CTNNA2: variants seen among roughly 807,000 people sequenced by gnomAD.
The protein encoded by CTNNA2 is catenin alpha 2.
CTNNA2 carries 42 observed loss-of-function variants against 101.0 expected under a neutral mutation model. The observed-to-expected ratio is 0.42, with a 90% CI of 0.32 to 0.54. The LOEUF is 0.54. Ranked by LOEUF, CTNNA2 falls within the 20% of genes least tolerant of loss-of-function variation. The probability of loss-of-function intolerance (pLI) is 0.14; values close to 1 mark genes in which losing one functional copy is unlikely to be tolerated. For missense variants in CTNNA2, 871 were observed against 1,223.1 expected (o/e 0.71, Z 4.29); for synonymous variants, 450 against 456.4 (o/e 0.99, Z 0.18).
chr2:80,471,821 A>T (rs199974399), intron 9 of CTNNA2, among the ~76,000 whole-genome samples: 3 of 54,482 alleles, frequency 5.5e-5, no homozygotes, highest in Non-Finnish European at 5.8e-5. Context: ...CAAGTTTGTT[A>T]AAAAAAAAAT....
intron 3 of CTNNA2, among the ~76,000 whole-genome samples, chr2:79,750,246 C>G (rs1671927546): frequency 6.6e-6 from 1 of 152,086 alleles, no homozygotes; most frequent in Non-Finnish European, 1.5e-5. Context: ...TTTTTTTTGA[C>G]TATGCACTAA....
At chr2:79,734,100 T>C (rs2104935685) in intron 2 of CTNNA2, among the ~76,000 whole-genome samples, 1 of 152,264 alleles carries the variant, frequency 6.6e-6, no homozygotes, top group South Asian at 2.1e-4. Context: ...CTAGGGACAT[T>C]CCAAACAGCT....
intron 1 of CTNNA2, among the ~76,000 whole-genome samples, chr2:79,605,134 T>G (rs1450231249): frequency 3.3e-5 from 5 of 152,130 alleles, no homozygotes; most frequent in Admixed American, 2.0e-4. Context: ...TTTTAATAAG[T>G]CAAATAGAGC....
chr2:80,641,906 C>CA (rs2149857743), intron 18 of CTNNA2, among the ~76,000 whole-genome samples: 1 of 152,114 alleles, frequency 6.6e-6, no homozygotes, highest in Admixed American at 6.6e-5. Context: ...TATGAAAGGA[C>CA]AAAATCAAAC....
intron 9 of CTNNA2, among the ~76,000 whole-genome samples, chr2:80,421,223 G>A (rs1397888863): frequency 2.0e-5 from 3 of 152,134 alleles, no homozygotes; most frequent in Non-Finnish European, 4.4e-5. Flanking sequence ...AATAATGTTA[G>A]CATATAAATA....
intron 7 of CTNNA2, among the ~76,000 whole-genome samples, chr2:80,348,018 C>T (rs1330048933): frequency 6.6e-6 from 1 of 151,864 alleles, no homozygotes; most frequent in African/African-American, 2.4e-5. Flanking sequence ...CCAAAGCTCC[C>T]CAGGTGGTTG....
intron 7 of CTNNA2, among the ~76,000 whole-genome samples, chr2:80,306,577 C>T (rs1026033681): frequency 6.6e-6 from 1 of 151,922 alleles, no homozygotes; most frequent in Non-Finnish European, 1.5e-5. Context: ...CAAGGTGCTG[C>T]GGAACACTTT....
At chr2:79,273,581 A>G (rs903932234) in intron 2 of CTNNA2, among the ~76,000 whole-genome samples, 2 of 152,108 alleles carry the variant, frequency 1.3e-5, no homozygotes, top group African/African-American at 4.8e-5. Flanking sequence ...GGGTTATAGT[A>G]ACATCATTAT....
chr2:79,931,916 T>C (rs1183025769), intron 7 of CTNNA2, among the ~76,000 whole-genome samples: 1 of 152,196 alleles, frequency 6.6e-6, no homozygotes, highest in African/African-American at 2.4e-5. Flanking sequence ...CCTTACCCAG[T>C]CTTACTGCCC....
intron 2 of CTNNA2, among the ~76,000 whole-genome samples, chr2:79,215,058 C>G (rs963884177): frequency 1.3e-5 from 2 of 152,092 alleles, no homozygotes; most frequent in Non-Finnish European, 2.9e-5. Context: ...GCTTCTGAGG[C>G]GATCGGGCAG....
intron 6 of CTNNA2, among the ~76,000 whole-genome samples, chr2:79,906,145 T>A (rs1181020748): frequency 6.6e-6 from 1 of 152,066 alleles, no homozygotes; most frequent in Non-Finnish European, 1.5e-5. Flanking sequence ...CACGTACACA[T>A]ACATGCATCC....
intron 18 of CTNNA2, among the ~76,000 whole-genome samples, chr2:80,622,156 G>C (rs1027718988): frequency 1.3e-5 from 2 of 151,926 alleles, no homozygotes; most frequent in Admixed American, 1.3e-4. Flanking sequence ...CTGTACTAGA[G>C]GAGATACATG....
At chr2:79,567,790 C>G (rs1675207634) in intron 1 of CTNNA2, among the ~76,000 whole-genome samples, 1 of 151,992 alleles carries the variant, frequency 6.6e-6, no homozygotes, top group African/African-American at 2.4e-5. Context: ...AAGAGCCAAA[C>G]TCGGATAATG....
intron 7 of CTNNA2, among the ~76,000 whole-genome samples, chr2:79,996,567 G>T (rs1329805033): frequency 6.6e-6 from 1 of 152,204 alleles, no homozygotes; most frequent in African/African-American, 2.4e-5. Context: ...TCAGAAAGCA[G>T]CTCTGGACAG....
At chr2:80,163,929 C>T (rs1558865996) in intron 7 of CTNNA2, among the ~76,000 whole-genome samples, 1 of 151,220 alleles carries the variant, frequency 6.6e-6, no homozygotes, top group African/African-American at 2.4e-5. Flanking sequence ...GCCAATTCTG[C>T]TTTTTTTCAT....
At chr2:80,380,652 T>A (rs1676437106) in intron 7 of CTNNA2, among the ~76,000 whole-genome samples, 1 of 152,174 alleles carries the variant, frequency 6.6e-6, no homozygotes, top group Non-Finnish European at 1.5e-5. Flanking sequence ...TGTTTTTGTG[T>A]TTTCCTTCCC....
intron 1 of CTNNA2, among the ~76,000 whole-genome samples, chr2:79,532,082 T>C (rs182171177): frequency 1.4e-4 from 21 of 152,268 alleles, no homozygotes; most frequent in Admixed American, 7.9e-4. Flanking sequence ...GTTTGGTAAA[T>C]GACTTCTCCA....
chr2:79,880,750 A>AT (rs552252903), intron 6 of CTNNA2, among the ~76,000 whole-genome samples: 38 of 150,718 alleles, frequency 2.5e-4, no homozygotes, highest in Non-Finnish European at 5.2e-4. Flanking sequence ...CTATTATGTT[A>AT]TTTTTTTCAA....
At chr2:80,268,822 G>T (rs1015331705) in intron 7 of CTNNA2, among the ~76,000 whole-genome samples, 3 of 152,110 alleles carry the variant, frequency 2.0e-5, no homozygotes, top group South Asian at 4.2e-4. Context: ...ATAGAAACAG[G>T]TGACCACTAT....
Sources: gnomAD v4.1 joint callset for allele counts (sites outside exome capture counted in the v4.1 genomes callset) on GRCh38, gnomAD v4.1.1 for gene constraint, MANE v1.5 for transcripts, NCBI Gene and HGNC (gene_info 2026-07-23, HGNC 2026-07-21) for gene names.